The following CFAP263 variants were observed in gnomAD, a reference collection of about 807,000 sequenced individuals.
CFAP263 encodes cilia and flagella associated protein 263.
At chr16:58,256,435 G>A in the CFAP263 span, among the ~76,000 whole-genome samples, 2 of 152,210 alleles carry the variant, frequency 1.3e-5, no homozygotes, top group Non-Finnish European at 2.9e-5. Context: ...AAAGCACAGG[G>A]AAAGAAGGGC....
the CFAP263 span, chr16:58,282,742 G>A: frequency 6.6e-6 from 1 of 152,286 alleles, no homozygotes; most frequent in Non-Finnish European, 1.5e-5. Flanking sequence ...CTAGGTCATG[G>A]GGGCTCCCTG....
the CFAP263 span, chr16:58,280,975 T>G: frequency 7.3e-6 from 4 of 546,308 alleles, no homozygotes; most frequent in African/African-American, 7.5e-5. Context: ...TGTGGACTTC[T>G]GCTGATTGCC....
chr16:58,264,963 T>G, the CFAP263 span, among the ~76,000 whole-genome samples: 1 of 152,212 alleles, frequency 6.6e-6, no homozygotes, highest in East Asian at 1.9e-4. Context: ...AAATGGGCTC[T>G]TCTCTTCTGT....
At chr16:58,258,583 AT>A in the CFAP263 span, 2 of 1,529,384 alleles carry the variant, frequency 1.3e-6, no homozygotes, top group East Asian at 4.5e-5. Context: ...TGTTATGGAA[AT>A]CATCCATGTG....
At chr16:58,253,260 A>G in the CFAP263 span, among the ~76,000 whole-genome samples, 2 of 151,994 alleles carry the variant, frequency 1.3e-5, no homozygotes, top group African/African-American at 2.4e-5. Context: ...ATGCACCTGT[A>G]GTTTTAGCTA....
the CFAP263 span, among the ~76,000 whole-genome samples, chr16:58,271,355 A>C: frequency 1.3e-5 from 2 of 152,188 alleles, no homozygotes; most frequent in Non-Finnish European, 1.5e-5. Context: ...CCTCATACCC[A>C]GTTTCCCTTA....
At chr16:58,274,768 A>G in the CFAP263 span, among the ~76,000 whole-genome samples, 1 of 152,208 alleles carries the variant, frequency 6.6e-6, no homozygotes, top group Admixed American at 6.5e-5. Flanking sequence ...AATTCTTTAT[A>G]GCAGTGTGAA....
chr16:58,273,749 G>T, the CFAP263 span, among the ~76,000 whole-genome samples: 1 of 151,974 alleles, frequency 6.6e-6, no homozygotes, highest in South Asian at 2.1e-4. Flanking sequence ...CATAATTTTT[G>T]TTGGAAGCTG....
chr16:58,260,915 GGC>G, the CFAP263 span, among the ~76,000 whole-genome samples: 2 of 152,130 alleles, frequency 1.3e-5, no homozygotes, highest in Non-Finnish European at 2.9e-5. Context: ...GGTACAGGAT[GGC>G]TTAGCTGTAG....
the CFAP263 span, among the ~76,000 whole-genome samples, chr16:58,251,997 G>A: frequency 7.4e-6 from 1 of 135,256 alleles, no homozygotes; most frequent in East Asian, 2.2e-4. Flanking sequence ...CATCTATTGG[G>A]TACTGAAAAT....
the CFAP263 span, chr16:58,280,033 G>T: frequency 1.6e-6 from 1 of 644,584 alleles, no homozygotes. Context: ...TAGTTCACAA[G>T]CATAGTGAAA....
chr16:58,282,912 G>C, the CFAP263 span: 1 of 152,304 alleles, frequency 6.6e-6, no homozygotes, highest in Non-Finnish European at 1.5e-5. Context: ...GCAGGTCACT[G>C]TTCCACCCAC....
At chr16:58,272,454 C>G in the CFAP263 span, among the ~76,000 whole-genome samples, 14 of 152,252 alleles carry the variant, frequency 9.2e-5, no homozygotes, top group African/African-American at 3.4e-4. Context: ...GATGGTATAC[C>G]TAGATGGTGT....
chr16:58,262,326 C>A, the CFAP263 span: 1 of 1,480,342 alleles, frequency 6.8e-7, no homozygotes. Context: ...AAGATGTGAG[C>A]CATACATTCA....
the CFAP263 span, among the ~76,000 whole-genome samples, chr16:58,263,851 C>A: frequency 6.6e-6 from 1 of 152,152 alleles, no homozygotes; most frequent in Non-Finnish European, 1.5e-5. Context: ...TGGTGGTGCA[C>A]ACCTGTAATC....
chr16:58,264,891 C>T, the CFAP263 span, among the ~76,000 whole-genome samples: 1 of 152,200 alleles, frequency 6.6e-6, no homozygotes, highest in Non-Finnish European at 1.5e-5. Context: ...GTACCAATAC[C>T]TCCACAAGGG....
the CFAP263 span, among the ~76,000 whole-genome samples, chr16:58,274,537 A>G: frequency 6.6e-6 from 1 of 152,176 alleles, no homozygotes; most frequent in Non-Finnish European, 1.5e-5. Context: ...AGTTTACCCA[A>G]TGCTGTTCTC....
the CFAP263 span, chr16:58,254,178 G>A: frequency 6.1e-5 from 98 of 1,613,650 alleles, 1 homozygote; most frequent in Middle Eastern, 1.7e-4. Flanking sequence ...TCCTGCCAGC[G>A]CAGCCTGTCC....
At chr16:58,260,978 C>T in the CFAP263 span, among the ~76,000 whole-genome samples, 8 of 152,060 alleles carry the variant, frequency 5.3e-5, no homozygotes, top group Non-Finnish European at 8.8e-5. Context: ...GCCTAGGCTG[C>T]GTTCATAGAA....
Sources: gnomAD v4.1 joint callset for allele counts (sites outside exome capture counted in the v4.1 genomes callset) on GRCh38, gnomAD v4.1.1 for gene constraint, MANE v1.5 for transcripts, NCBI Gene and HGNC (gene_info 2026-07-23, HGNC 2026-07-21) for gene names.